Variants in SH3RF3 observed in about 807,000 individuals in gnomAD.
The protein encoded by SH3RF3 is SH3 domain containing ring finger 3, also known as E3 ubiquitin-protein ligase SH3RF3.
A neutral mutation model predicts 66.3 loss-of-function variants in SH3RF3; 29 were observed. The observed-to-expected ratio is 0.44, with a 90% CI of 0.33 to 0.60. SH3RF3 has a LOEUF of 0.60. SH3RF3 is among the 20% of genes least tolerant of loss of function. The probability of loss-of-function intolerance (pLI) is 0.04; values close to 1 mark genes in which losing one functional copy is unlikely to be tolerated. For synonymous variants in SH3RF3, 583 were observed against 532.0 expected (o/e 1.10, Z -1.32); for missense variants, 1,194 against 1,190.9 (o/e 1.00, Z -0.04).
rs558628370 is a variant in SH3RF3, at chr2:109,268,579, G to A, written c.574-79095G>A. Among the ~76,000 whole-genome samples the A allele has an allele frequency of 4.6e-5, 7 of 152,300 alleles. No homozygotes were observed. In the East Asian group the frequency reaches 1.2e-3, roughly 25 times the overall value. Reference sequence around the variant, plus strand: ...CCCCAACAGGGCTTGACTGGGCCTCGCTCCAGGGAGAGGTCCCCCACTGAA... The same window carrying A: ...CCCCAACAGGGCTTGACTGGGCCTCACTCCAGGGAGAGGTCCCCCACTGAA... On this transcript the variant is annotated intron_variant, in intron 1 of 9. Transcript: ENST00000309415.
At chr2:109,188,417 A>G (rs1054624992) in intron 1 of SH3RF3, among the ~76,000 whole-genome samples, 12 of 152,148 alleles carry the variant, frequency 7.9e-5, no homozygotes, top group Non-Finnish European at 1.6e-4. Flanking sequence ...CTGGGACCCC[A>G]TGGGCCCAGC....
In SH3RF3 at chr2:109,245,898, G is replaced by A. The variant is rs181934549; in HGVS notation, c.574-101776G>A. On this transcript the variant is annotated intron_variant, in intron 1 of 9. Coordinates refer to ENST00000309415, the MANE Select transcript of SH3RF3 (RefSeq NM_001099289.3). ...AATCTAGAGTACTTAACACAATCCC[G>A]GGCATCATTTACTGGTCTCAGGAAA... Among the ~76,000 whole-genome samples, 1,116 of 152,128 alleles carry A rather than the reference G, an allele frequency of 7.3e-3. 8 individuals carry two copies. The highest frequency in any genetic ancestry group is 0.023 in the South Asian group (113 of 4,824).
intron 1 of SH3RF3, among the ~76,000 whole-genome samples, chr2:109,177,752 A>G (rs1456789996): frequency 6.6e-6 from 1 of 152,220 alleles, no homozygotes; most frequent in African/African-American, 2.4e-5. Flanking sequence ...ACCCCCTTCA[A>G]CTTGATCCTC....
At chr2:109,183,794 T>C (rs1469197612) in intron 1 of SH3RF3, among the ~76,000 whole-genome samples, 1 of 152,100 alleles carries the variant, frequency 6.6e-6, no homozygotes, top group African/African-American at 2.4e-5. Context: ...TATAAGGAGG[T>C]AAGGCCAAGG....
chr2:109,438,705 G>A (rs576469903), intron 7 of SH3RF3, among the ~76,000 whole-genome samples: 4 of 152,282 alleles, frequency 2.6e-5, no homozygotes, highest in Admixed American at 6.5e-5. Context: ...CATGGTTTAC[G>A]TGGATCTGTG....
At chr2:109,333,516 T>C (rs1559028622) in intron 1 of SH3RF3, among the ~76,000 whole-genome samples, 1 of 152,242 alleles carries the variant, frequency 6.6e-6, no homozygotes, top group African/African-American at 2.4e-5. Flanking sequence ...CCCCACCTGT[T>C]TGTGTAAGTA....
rs777221828 is a variant in SH3RF3, at chr2:109,413,894, G to A, written c.1300-5645G>A. On this transcript the variant is annotated intron_variant, in intron 4 of 9. Transcript: ENST00000309415. ...CATCCCATGAGTGGGATCAAGAGGT[G>A]TAACTCCCCACCAGTGGTCCAGCAG... Among the ~76,000 whole-genome samples, 8 of 152,118 alleles carry A rather than the reference G, an allele frequency of 5.3e-5. No homozygotes were observed. In the South Asian group the frequency reaches 1.0e-3, roughly 20 times the overall value.
chr2:109,381,822 G>T (rs1045086785), intron 3 of SH3RF3, among the ~76,000 whole-genome samples: 1 of 152,084 alleles, frequency 6.6e-6, no homozygotes, highest in African/African-American at 2.4e-5. Context: ...GTGTTACATA[G>T]TAGAATCAGA....
chr2:109,202,051 G>A (rs114614498), intron 1 of SH3RF3, among the ~76,000 whole-genome samples: 1,757 of 152,324 alleles, frequency 0.012, 31 homozygotes, highest in African/African-American at 0.039. Flanking sequence ...AGCCTGGCTG[G>A]GTCTCGTGAC....
intron 8 of SH3RF3, among the ~76,000 whole-genome samples, chr2:109,486,657 C>A (rs1000704408): frequency 2.6e-5 from 4 of 152,140 alleles, no homozygotes; most frequent in African/African-American, 9.7e-5. Flanking sequence ...GGTGGGGATG[C>A]AGAGCCGGGC....
intron 7 of SH3RF3, among the ~76,000 whole-genome samples, chr2:109,438,913 C>T (rs1677485592): frequency 6.6e-6 from 1 of 152,160 alleles, no homozygotes. Flanking sequence ...CCAATCAGCC[C>T]GGTGTTCTGT....
At chr2:109,381,375 G>A (rs1396887414) in intron 3 of SH3RF3, among the ~76,000 whole-genome samples, 1 of 152,170 alleles carries the variant, frequency 6.6e-6, no homozygotes, top group African/African-American at 2.4e-5. Context: ...TCAATGGCGG[G>A]GTTACTTTTA....
chr2:109,248,753 CTTCT>C (rs1679981110), intron 1 of SH3RF3, among the ~76,000 whole-genome samples: 3 of 149,908 alleles, frequency 2.0e-5, no homozygotes, highest in South Asian at 2.1e-4. Flanking sequence ...TCTTTCCTTC[CTTCT>C]CTCTCTCTCT....
intron 5 of SH3RF3, among the ~76,000 whole-genome samples, chr2:109,425,430 C>T (rs1347328124): frequency 6.6e-6 from 1 of 152,200 alleles, no homozygotes; most frequent in African/African-American, 2.4e-5. Context: ...CCATCTAGGA[C>T]TTTCATAGCT....
intron 1 of SH3RF3, among the ~76,000 whole-genome samples, chr2:109,286,145 G>A (rs1350048065): frequency 6.6e-6 from 1 of 152,186 alleles, no homozygotes; most frequent in Non-Finnish European, 1.5e-5. Flanking sequence ...TGTACCTGTG[G>A]ATTTTCCAAG....
At chr2:109,447,165 AAAAG>A (rs1315786344) in intron 7 of SH3RF3, among the ~76,000 whole-genome samples, 3 of 148,744 alleles carry the variant, frequency 2.0e-5, no homozygotes, top group South Asian at 4.2e-4. Flanking sequence ...AAAAAAAAAA[AAAAG>A]AAAAGAAAAA....
At chr2:109,295,048 C>T (rs1288750668) in intron 1 of SH3RF3, among the ~76,000 whole-genome samples, 1 of 152,258 alleles carries the variant, frequency 6.6e-6, no homozygotes, top group African/African-American at 2.4e-5. Flanking sequence ...AGGATCCCTG[C>T]AGGAAATGCC....
chr2:109,405,505 G>A (rs10190074), intron 4 of SH3RF3, among the ~76,000 whole-genome samples: 6,252 of 152,072 alleles, frequency 0.041, 278 homozygotes, highest in African/African-American at 0.11. Flanking sequence ...TGCGCACCAC[G>A]CTGCTCTGGC....
intron 2 of SH3RF3, among the ~76,000 whole-genome samples, chr2:109,369,024 T>C (rs1315616919): frequency 2.0e-5 from 3 of 152,080 alleles, no homozygotes; most frequent in Admixed American, 1.3e-4. Context: ...GGCCCCACTC[T>C]AGTGTCCTCG....
Sources: allele counts gnomAD v4.1 joint callset (sites outside exome capture counted in the v4.1 genomes callset), GRCh38; gene constraint gnomAD v4.1.1; transcripts MANE v1.5; gene names NCBI Gene and HGNC (gene_info 2026-07-23, HGNC 2026-07-21).